The following EPHA6 variants were observed in gnomAD, a reference collection of about 807,000 sequenced individuals.
The protein encoded by EPHA6 is ephrin type-A receptor 6.
EPHA6 carries 50 observed loss-of-function variants against 112.0 expected under a neutral mutation model. That is an observed-to-expected ratio of 0.45 (90% CI 0.36 to 0.56). The LOEUF (loss-of-function observed/expected upper bound fraction) is 0.56, where lower values mean the gene tolerates loss of function less well. EPHA6 is among the 20% of genes least tolerant of loss of function. EPHA6 has a pLI of 0.00. For synonymous variants in EPHA6, 529 were observed against 490.7 expected (o/e 1.08, Z -1.03); for missense variants, 1,280 against 1,417.4 (o/e 0.90, Z 1.56).
chr3:97,147,468 T>C (rs2076070677), intron 3 of EPHA6, among the ~76,000 whole-genome samples: 1 of 152,056 alleles, frequency 6.6e-6, no homozygotes, highest in South Asian at 2.1e-4. Flanking sequence ...AGTCACAAAG[T>C]GGCACTACTT....
At chr3:97,487,313 C>T (rs1049966399) in intron 10 of EPHA6, among the ~76,000 whole-genome samples, 1 of 152,310 alleles carries the variant, frequency 6.6e-6, no homozygotes, top group Non-Finnish European at 1.5e-5. Flanking sequence ...TTAAATCTTT[C>T]TTAAATGAGT....
intron 2 of EPHA6, among the ~76,000 whole-genome samples, chr3:96,907,543 G>T (rs566589165): frequency 5.2e-4 from 78 of 151,286 alleles, no homozygotes; most frequent in Non-Finnish European, 9.2e-4. Flanking sequence ...CATTGATATT[G>T]CATCTTTTGT....
At chr3:97,352,255 C>T (rs2083851869) in intron 5 of EPHA6, among the ~76,000 whole-genome samples, 1 of 151,930 alleles carries the variant, frequency 6.6e-6, no homozygotes, top group Non-Finnish European at 1.5e-5. Flanking sequence ...CCAAATAGAA[C>T]ACTCCAGCAG....
intron 14 of EPHA6, among the ~76,000 whole-genome samples, chr3:97,640,974 T>C (rs989708999): frequency 6.6e-6 from 1 of 152,164 alleles, no homozygotes; most frequent in Non-Finnish European, 1.5e-5. Flanking sequence ...ACATGTTCAT[T>C]ATATGTTCAT....
intron 1 of EPHA6, among the ~76,000 whole-genome samples, chr3:96,826,847 G>A (rs1431874979): frequency 6.6e-6 from 1 of 152,006 alleles, no homozygotes; most frequent in African/African-American, 2.4e-5. Flanking sequence ...ACATTGGTCG[G>A]TAGGCAATTG....
chr3:97,289,637 G>A (rs187907511), intron 5 of EPHA6, among the ~76,000 whole-genome samples: 19 of 152,172 alleles, frequency 1.2e-4, no homozygotes, highest in African/African-American at 4.6e-4. Context: ...CAATGAATCT[G>A]TATGTTGCTT....
intron 2 of EPHA6, among the ~76,000 whole-genome samples, chr3:96,884,528 C>T (rs752809726): frequency 1.8e-4 from 28 of 151,966 alleles, no homozygotes; most frequent in Admixed American, 1.6e-3. Context: ...TCTGTTTAGT[C>T]GCTGTTGGTA....
At chr3:96,855,436 G>A (rs1429743434) in intron 1 of EPHA6, among the ~76,000 whole-genome samples, 2 of 152,134 alleles carry the variant, frequency 1.3e-5, no homozygotes, top group African/African-American at 4.8e-5. Context: ...GTTAAGGATA[G>A]GATATTGGTT....
intron 4 of EPHA6, among the ~76,000 whole-genome samples, chr3:97,229,603 C>G (rs116101584): frequency 0.014 from 2,055 of 152,196 alleles, 40 homozygotes; most frequent in African/African-American, 0.045. Flanking sequence ...ATTTTATTTA[C>G]TTCCATAGAA....
intron 3 of EPHA6, among the ~76,000 whole-genome samples, chr3:97,039,526 T>C (rs748387020): frequency 1.3e-5 from 2 of 151,970 alleles, no homozygotes; most frequent in Non-Finnish European, 2.9e-5. Context: ...TTAGTTGGAA[T>C]AGATTATGAG....
At chr3:97,651,325 G>A (rs535425686) in intron 14 of EPHA6, among the ~76,000 whole-genome samples, 1 of 152,062 alleles carries the variant, frequency 6.6e-6, no homozygotes, top group South Asian at 2.1e-4. Context: ...TGTAGCAAAT[G>A]TTAAAGCACT....
intron 3 of EPHA6, among the ~76,000 whole-genome samples, chr3:97,207,505 T>G (rs1271061872): frequency 6.6e-6 from 1 of 152,090 alleles, no homozygotes; most frequent in Non-Finnish European, 1.5e-5. Flanking sequence ...GATAACGCAT[T>G]TGTCTGGTCC....
chr3:97,665,698 C>T lies in EPHA6; in HGVS notation c.2784+27616C>T, dbSNP rs535232033. ...CTGGTTTTTATCTAACTCATCAATA[C>T]ACACATCTTCCACATGTCTTTCTTC... is the stretch of plus-strand genomic sequence containing the variant. On this transcript the variant is annotated intron_variant, in intron 14 of 17. Transcript: ENST00000389672. 3.9e-5 allele frequency among the ~76,000 whole-genome samples: 6 copies of T among 152,310 alleles called. No individual in the cohort carries two copies. The East Asian group carries it at 1.2e-3, about 29-fold the overall frequency.
intron 5 of EPHA6, among the ~76,000 whole-genome samples, chr3:97,315,256 T>G (rs1180484674): frequency 6.6e-6 from 1 of 151,708 alleles, no homozygotes; most frequent in Non-Finnish European, 1.5e-5. Flanking sequence ...TCCACATCAC[T>G]TTTTTACAGT....
chr3:97,164,284 A>G (rs1240900563), intron 3 of EPHA6, among the ~76,000 whole-genome samples: 1 of 152,286 alleles, frequency 6.6e-6, no homozygotes, highest in Admixed American at 6.5e-5. Flanking sequence ...CTGTTGGAAT[A>G]GTGTTATTAG....
chr3:97,640,014 G>A (rs2093986765), intron 14 of EPHA6, among the ~76,000 whole-genome samples: 1 of 151,818 alleles, frequency 6.6e-6, no homozygotes, highest in South Asian at 2.1e-4. Flanking sequence ...TAATGAACAT[G>A]GACATTCAGC....
intron 7 of EPHA6, 147 bp downstream of exon 7, chr3:97,448,877 T>TA: frequency 1.4e-6 from 1 of 732,074 alleles, no homozygotes; most frequent in South Asian, 1.8e-5. Flanking sequence ...GTCATTTCAG[T>TA]TAATATTTGT....
At chr3:96,913,212 A>C (rs866729652) in intron 2 of EPHA6, among the ~76,000 whole-genome samples, 8 of 109,924 alleles carry the variant, frequency 7.3e-5, no homozygotes, top group Non-Finnish European at 9.2e-5. Context: ...ACACACACAC[A>C]CCACACACAC....
intron 10 of EPHA6, among the ~76,000 whole-genome samples, chr3:97,528,223 G>A (rs1052352997): frequency 8.5e-5 from 13 of 152,068 alleles, no homozygotes; most frequent in South Asian, 4.1e-4. Context: ...CCTGAGGTTC[G>A]TATTATTTCC....
Sources: allele counts gnomAD v4.1 joint callset (sites outside exome capture counted in the v4.1 genomes callset), GRCh38; gene constraint gnomAD v4.1.1; transcripts MANE v1.5; gene names NCBI Gene and HGNC (gene_info 2026-07-23, HGNC 2026-07-21).